SLC6A3: variants seen among roughly 807,000 people sequenced by gnomAD.
SLC6A3 encodes sodium-dependent dopamine transporter.
In SLC6A3, 19 loss-of-function variants were observed where a neutral mutation model predicts 70.4. That is an observed-to-expected ratio of 0.27 (90% confidence interval 0.19 to 0.40). The LOEUF (loss-of-function observed/expected upper bound fraction) is 0.40, where lower values mean the gene tolerates loss of function less well. Among genes scored for constraint, SLC6A3 ranks in the 10% least tolerant of loss-of-function variants. The probability of loss-of-function intolerance (pLI) is 1.00; values close to 1 mark genes in which losing one functional copy is unlikely to be tolerated. For missense variants in SLC6A3, 613 were observed against 838.5 expected, an observed-to-expected ratio of 0.73 and a Z score of 3.32; for synonymous variants, 368 against 356.6, an observed-to-expected ratio of 1.03 and a Z score of -0.36.
At chr5:1,422,263 C>A (rs1358449101) in intron 4 of SLC6A3, among the ~76,000 whole-genome samples, 1 of 152,256 alleles carries the variant, frequency 6.6e-6, no homozygotes. Flanking sequence ...GCCCTTGGCA[C>A]CCCTGCTCAC....
At chr5:1,415,296 G>A (rs543418772) in intron 7 of SLC6A3, among the ~76,000 whole-genome samples, 65 of 152,282 alleles carry the variant, frequency 4.3e-4, no homozygotes, top group African/African-American at 8.7e-4. Context: ...AGCCGAGGAC[G>A]AAGAGGGAGG....
At chr5:1,410,490 C>A (rs1223052312) in intron 9 of SLC6A3, among the ~76,000 whole-genome samples, 2 of 151,870 alleles carry the variant, frequency 1.3e-5, no homozygotes, top group Non-Finnish European at 2.9e-5. Context: ...GTTCTTTGGT[C>A]CCAAGCAGCT....
chr5:1,396,458 T>G lies in SLC6A3; in HGVS notation c.1840-1700A>C, dbSNP rs910865686. On this transcript the variant is annotated intron_variant, in intron 14 of 14. Coordinates refer to ENST00000270349, the MANE Select transcript of SLC6A3 (RefSeq NM_001044.5). The surrounding 1 kb of genome is among the most constrained non-coding windows in gnomAD (Gnocchi z 7.0). ...TCGCTGCCTCGAGGGAGTTTCTAGA[T>G]TGCAGCACAGGGAGGGTGCAGCCTG... 1.3e-5 allele frequency among the ~76,000 whole-genome samples: 2 copies of G among 152,228 alleles called. No homozygotes were observed. The highest frequency in any genetic ancestry group is 4.8e-5 in the African/African-American group (2 of 41,526).
chr5:1,433,422 C>T (rs919829296), intron 3 of SLC6A3, among the ~76,000 whole-genome samples: 21 of 152,014 alleles, frequency 1.4e-4, no homozygotes, highest in African/African-American at 4.6e-4. Context: ...CACCCAGGAC[C>T]ACATATGGCC....
chr5:1,424,553 C>A (rs1579718221), intron 4 of SLC6A3, among the ~76,000 whole-genome samples: 1 of 152,348 alleles, frequency 6.6e-6, no homozygotes, highest in African/African-American at 2.4e-5. Context: ...ATGAATTATA[C>A]ACCCAGACCA....
intron 3 of SLC6A3, among the ~76,000 whole-genome samples, chr5:1,433,251 C>G (rs1450373368): frequency 6.6e-6 from 1 of 151,952 alleles, no homozygotes; most frequent in Non-Finnish European, 1.5e-5. Context: ...CCAGGGCTAC[C>G]TAGGGAGCCC....
rs1755871389 is a variant in SLC6A3, at chr5:1,402,443, G to A, written c.1767+479C>T. Among the ~76,000 whole-genome samples, 1 of 151,992 alleles carries A rather than the reference G, an allele frequency of 6.6e-6. No homozygotes were observed. Among genetic ancestry groups the A allele is most frequent in the East Asian group, 1.9e-4 (1 of 5,156 alleles). On this transcript the variant is annotated intron_variant, in intron 13 of 14. Transcript: ENST00000270349. The surrounding 1 kb of genome is among the most constrained non-coding windows in gnomAD (Gnocchi z 8.5). ...AGCCAAAGTTGGGCTCGGCCCTGGG[G>A]GGACCTAGATCACCCCTGATTCTAC...
At chr5:1,444,024 G>C (rs539221140) in intron 1 of SLC6A3, among the ~76,000 whole-genome samples, 22 of 152,278 alleles carry the variant, frequency 1.4e-4, no homozygotes, top group Admixed American at 3.3e-4. Context: ...CAGTAATAAA[G>C]AGCAAAATTT....
At position 1,436,347 on chromosome 5, in the gene SLC6A3, T is replaced by A. The variant is rs1318434837; in HGVS notation, c.419-3649A>T. ...TCATGACATCACTGTGGGCTCCAGA[T>A]GAAGCTTCACCTGACACATTTCTTA... On this transcript the variant is annotated intron_variant, in intron 3 of 14. Transcript: ENST00000270349. This position sits in a 1 kb window ranked among gnomAD's most constrained non-coding sequence, Gnocchi z 5.2. Among the ~76,000 whole-genome samples the A allele has an allele frequency of 6.6e-6, 1 of 152,174 alleles. No homozygotes were observed. The highest frequency in any genetic ancestry group is 1.9e-4 in the East Asian group (1 of 5,194).
At position 1,406,331 on chromosome 5, in the gene SLC6A3, A is replaced by G; in HGVS notation, c.1499-43T>C. ...GCATCAGTGTCCATCAGGGCAGCGC[A>G]TTCCCCCGATGCTGGACACGTGTGG... On this transcript the variant is annotated intron_variant, in intron 11 of 14. Coordinates refer to ENST00000270349, the MANE Select transcript of SLC6A3 (RefSeq NM_001044.5). The surrounding 1 kb of genome is among the most constrained non-coding windows in gnomAD (Gnocchi z 8.8). The G allele has an allele frequency of 1.3e-6, 2 of 1,508,562 alleles. No homozygotes were observed. The highest frequency in any genetic ancestry group is 1.8e-6 in the Non-Finnish European group (2 of 1,084,750). The allele number at this position is 1,508,562 out of a possible 1,614,324, so 93.4% of individuals were successfully genotyped here. A position where few individuals can be genotyped will look rare whatever the true frequency, so the allele number is the denominator to read the frequency against.
At chr5:1,422,366 CACTGCCCAGT>C (rs1560918302) in intron 4 of SLC6A3, among the ~76,000 whole-genome samples, 3,141 of 151,104 alleles carry the variant, frequency 0.021, 922 homozygotes, top group Admixed American at 0.025. Context: ...GGGTGCCCAC[CACTGCCCAGT>C]GCTGCCCAAG....
chr5:1,439,806 C>G (rs934817179), intron 3 of SLC6A3, among the ~76,000 whole-genome samples: 1 of 152,250 alleles, frequency 6.6e-6, no homozygotes, highest in African/African-American at 2.4e-5. Context: ...TGAGAGGTGG[C>G]TTTGGCCCAC....
At position 1,422,374 on chromosome 5, in the gene SLC6A3, A is replaced by ACG. The variant is rs1394623817; in HGVS notation, c.654-361_654-360insCG. ...CAATGCTGGGTGCCCACCACTGCCC[A>ACG]GTGCTGCCCAAGGTGCTGGGTGCCC... On this transcript the variant is annotated intron_variant, in intron 4 of 14. Transcript: ENST00000270349. Among the ~76,000 whole-genome samples the ACG allele has an allele frequency of 2.4e-4, 28 of 116,766 alleles. 2 individuals carry two copies. The highest frequency in any genetic ancestry group is 6.4e-4 in the African/African-American group (19 of 29,708). The allele number at this position is 116,766 out of a possible 152,430, so 76.6% of individuals were successfully genotyped here.
In SLC6A3 at chr5:1,407,454, C is replaced by T. The variant is rs139793698; in HGVS notation, c.1499-1166G>A. ...CACCAGCAGGTCCCAGGGCCCCTGC[C>T]GGAGCAGGAGTCATCAGCTCCAAGA... On this transcript the variant is annotated intron_variant, in intron 11 of 14. Coordinates refer to ENST00000270349, the MANE Select transcript of SLC6A3 (RefSeq NM_001044.5). Among the ~76,000 whole-genome samples, 307 of 152,326 alleles carry T rather than the reference C, an allele frequency of 2.0e-3. 7 individuals carry two copies. In the South Asian group the frequency reaches 0.049, roughly 24 times the overall value.
At chr5:1,416,015 A>T in intron 7 of SLC6A3, 83 bp downstream of exon 7, 3 of 1,075,308 alleles carry the variant, frequency 2.8e-6, no homozygotes, top group Non-Finnish European at 4.3e-6. Context: ...CCCTGTTCTC[A>T]TCCAGGGACA....
intron 4 of SLC6A3, among the ~76,000 whole-genome samples, chr5:1,427,529 A>G (rs1018792770): frequency 6.6e-6 from 1 of 152,246 alleles, no homozygotes; most frequent in African/African-American, 2.4e-5. Context: ...CATGCTGACA[A>G]TTATTGAATG....
At position 1,432,523 on chromosome 5, in the gene SLC6A3, A is replaced by C. The variant is rs780048733; in HGVS notation, c.594T>G (p.Ser198Arg). 23 of 1,614,118 alleles carry C rather than the reference A, an allele frequency of 1.4e-5. No homozygotes were observed. The Admixed American group carries it at 2.5e-4, about 18-fold the overall frequency. Reference sequence around the variant, plus strand: ...TGTCGTTGAGGCCCGAGCTGTCTCCACTGGAGTCACCAGGATGGGCATCCG... The same window carrying C: ...TGTCGTTGAGGCCCGAGCTGTCTCCCCTGGAGTCACCAGGATGGGCATCCG... ...NCSDAHPGDS[S>R]GDSSGLNDTF... is the part of the protein sequence containing the mutation. The change falls in exon 4 of 15, where the codon AGT becomes AGG. Residue 198 changes from serine to arginine, a missense_variant. Ser to Arg is a moderately radical substitution (Grantham distance 110, BLOSUM62 -1). Transcript: ENST00000270349.
chr5:1,406,305 G>A lies in SLC6A3; in HGVS notation c.1499-17C>T. 8 of 1,603,504 alleles carry A rather than the reference G, an allele frequency of 5.0e-6. No individual in the cohort carries two copies. Among genetic ancestry groups the A allele is most frequent in the Non-Finnish European group, 5.1e-6 (6 of 1,171,368 alleles). On this transcript the variant is annotated splice_polypyrimidine_tract_variant and intron_variant, in intron 11 of 14. Coordinates refer to ENST00000270349, the MANE Select transcript of SLC6A3 (RefSeq NM_001044.5). This position sits in a 1 kb window ranked among gnomAD's most constrained non-coding sequence, Gnocchi z 8.8. ...GCCCAACACCTGAGGGAGAAGAGGTGGCATCAGTGTCCATCAGGGCAGCGC... is the reference window on the plus strand; with the variant it reads ...GCCCAACACCTGAGGGAGAAGAGGTAGCATCAGTGTCCATCAGGGCAGCGC...
intron 14 of SLC6A3, among the ~76,000 whole-genome samples, chr5:1,395,503 G>A (rs181627900): frequency 1.0e-3 from 152 of 152,332 alleles, no homozygotes; most frequent in African/African-American, 3.4e-3. Flanking sequence ...CCACACCACA[G>A]GCTCCTCTGG....
Sources: gnomAD v4.1 joint callset for allele counts (sites outside exome capture counted in the v4.1 genomes callset) on GRCh38, gnomAD v4.1.1 for gene constraint, Gnocchi (gnomAD v3.1) non-coding constraint, MANE v1.5 for transcripts, NCBI Gene and HGNC (gene_info 2026-07-23, HGNC 2026-07-21) for gene names.